TMEM178B: variants seen among roughly 807,000 people sequenced by gnomAD.
TMEM178B encodes the protein transmembrane protein 178B.
In TMEM178B, 5 loss-of-function variants were observed where a neutral mutation model predicts 31.0. That is an observed-to-expected ratio of 0.16 (90% CI 0.08 to 0.34). The LOEUF (loss-of-function observed/expected upper bound fraction) is 0.34. Ranked by LOEUF, TMEM178B falls within the 10% of genes least tolerant of loss-of-function variation. The pLI is 1.00. For synonymous variants in TMEM178B, 164 were observed against 164.0 expected, an observed-to-expected ratio of 1.00 and a Z score of 0.00; for missense variants, 275 against 400.3, an observed-to-expected ratio of 0.69 and a Z score of 2.67.
At position 141,197,497 on chromosome 7, in the gene TMEM178B, C is replaced by G. The variant is rs897600880; in HGVS notation, c.383-15094C>G. Among the ~76,000 whole-genome samples, 5 of 152,308 alleles carry G rather than the reference C, an allele frequency of 3.3e-5. No homozygotes were observed. The South Asian group carries it at 1.0e-3, about 32-fold the overall frequency. The stretch of plus-strand genomic sequence containing the variant: ...GATAAGTTAACCCTTTAATTAACAT[C>G]TGTAATCTAGCCAAGCCATTTAACT... On this transcript the variant is annotated intron_variant, in intron 1 of 3. Transcript: ENST00000565468.
chr7:141,413,736 T>G (rs1037041367), intron 2 of TMEM178B, among the ~76,000 whole-genome samples: 2 of 152,240 alleles, frequency 1.3e-5, no homozygotes, highest in Non-Finnish European at 2.9e-5. Context: ...ACTTCCTTTA[T>G]CCTTATATTC....
intron 1 of TMEM178B, among the ~76,000 whole-genome samples, chr7:141,199,593 T>C (rs1405280951): frequency 2.0e-5 from 3 of 152,166 alleles, no homozygotes; most frequent in Non-Finnish European, 4.4e-5. Flanking sequence ...TCTCTCTCTC[T>C]CTTTTCTTCT....
chr7:141,208,400 C>T (rs1418033506), intron 1 of TMEM178B, among the ~76,000 whole-genome samples: 1 of 152,162 alleles, frequency 6.6e-6, no homozygotes, highest in Admixed American at 6.5e-5. Flanking sequence ...GCAGGAAAAC[C>T]TGTTTGTATT....
At chr7:141,420,132 C>A (rs1338034151) in intron 2 of TMEM178B, among the ~76,000 whole-genome samples, 1 of 152,110 alleles carries the variant, frequency 6.6e-6, no homozygotes, top group African/African-American at 2.4e-5. Context: ...TCTCCTACAT[C>A]TACTTCATTA....
At position 141,401,556 on chromosome 7, in the gene TMEM178B, C is replaced by T. The variant is rs189487467; in HGVS notation, c.497-36052C>T. 2.8e-4 allele frequency among the ~76,000 whole-genome samples: 43 copies of T among 152,240 alleles called. No individual in the cohort carries two copies. In the East Asian group the frequency reaches 2.9e-3, roughly 10 times the overall value. ...TCAGCCTCCCAAGTAGCTGGGACTA[C>T]GGGTGCATGCCACCACACCCAGCTA... is the stretch of plus-strand genomic sequence containing the variant. On this transcript the variant is annotated intron_variant, in intron 2 of 3. Transcript: ENST00000565468.
intron 2 of TMEM178B, among the ~76,000 whole-genome samples, chr7:141,326,068 T>C (rs539192249): frequency 1.3e-5 from 2 of 152,338 alleles, no homozygotes; most frequent in East Asian, 3.9e-4. Context: ...ATTTTTATAA[T>C]ATTCAGACAT....
In TMEM178B at chr7:141,074,652, G is replaced by T. The variant is rs1244810258; in HGVS notation, c.342G>T (p.Arg114=). 5 of 1,523,318 alleles carry T rather than the reference G, an allele frequency of 3.3e-6. No individual in the cohort carries two copies. Among genetic ancestry groups the T allele is most frequent in the Non-Finnish European group, 4.4e-6 (5 of 1,137,228 alleles). 94.4% of individuals were successfully genotyped at this position (1,523,318 alleles called of 1,614,324 possible). A position where few individuals can be genotyped will look rare whatever the true frequency, so the allele number is the denominator to read the frequency against. Residue 114 remains arginine, a synonymous_variant, in exon 1 of 4, where the codon CGG becomes CGT. Coordinates refer to ENST00000565468, the MANE Select transcript of TMEM178B (RefSeq NM_001195278.2). The surrounding 1 kb of genome is among the most constrained non-coding windows in gnomAD (Gnocchi z 5.1). ...TGGGCCTCTGGAGGAAGTGCCACCG[G>T]CAGGGCTTCGACCCCGAGATCGCCG... ...TNMGLWRKCH[R]QGFDPEIAAL...
At chr7:141,203,372 A>AC (rs1469704145) in intron 1 of TMEM178B, among the ~76,000 whole-genome samples, 1 of 152,146 alleles carries the variant, frequency 6.6e-6, no homozygotes, top group East Asian at 1.9e-4. Flanking sequence ...CTAAAGGCTG[A>AC]CACTGTGGTG....
intron 2 of TMEM178B, among the ~76,000 whole-genome samples, chr7:141,410,018 G>C (rs1433353204): frequency 6.6e-6 from 1 of 152,174 alleles, no homozygotes; most frequent in Non-Finnish European, 1.5e-5. Flanking sequence ...GCAGCCGCCA[G>C]GCCATGGGCC....
At chr7:141,124,844 C>T (rs1418931730) in intron 1 of TMEM178B, among the ~76,000 whole-genome samples, 32 of 152,278 alleles carry the variant, frequency 2.1e-4, no homozygotes, top group South Asian at 1.5e-3. Context: ...AAAGATTACA[C>T]GGCGGTTTTC....
chr7:141,215,019 A>G (rs554025752), intron 2 of TMEM178B, among the ~76,000 whole-genome samples: 1 of 152,308 alleles, frequency 6.6e-6, no homozygotes, highest in South Asian at 2.1e-4. Flanking sequence ...GCCAGAGGGC[A>G]GGTGAGCATC....
chr7:141,459,048 A>T (rs139387580), intron 3 of TMEM178B, among the ~76,000 whole-genome samples: 1 of 152,256 alleles, frequency 6.6e-6, no homozygotes, highest in East Asian at 1.9e-4. Context: ...TTGTTTTTTG[A>T]GACAGAGTTT....
At chr7:141,266,918 C>T (rs1045057483) in intron 2 of TMEM178B, among the ~76,000 whole-genome samples, 1 of 152,148 alleles carries the variant, frequency 6.6e-6, no homozygotes, top group Non-Finnish European at 1.5e-5. Flanking sequence ...TGTGGCTGGC[C>T]CAGATTGTTT....
At position 141,171,017 on chromosome 7, in the gene TMEM178B, TAC is replaced by T. The variant is rs57427295; in HGVS notation, c.383-41527_383-41526del. On this transcript the variant is annotated intron_variant, in intron 1 of 3. Coordinates refer to ENST00000565468, the MANE Select transcript of TMEM178B (RefSeq NM_001195278.2). This position sits in a 1 kb window ranked among gnomAD's most constrained non-coding sequence, Gnocchi z 4.3. ...GTTCAGACTACACATCACACACACA[TAC>T]ACACACACACACACACACACACACA... Among the ~76,000 whole-genome samples the T allele has an allele frequency of 7.1e-4, 104 of 146,156 alleles. 1 individual carries two copies. The South Asian group carries it at 0.01, about 14-fold the overall frequency.
intron 1 of TMEM178B, among the ~76,000 whole-genome samples, chr7:141,158,783 TC>T: frequency 6.6e-6 from 1 of 152,148 alleles, no homozygotes; most frequent in Non-Finnish European, 1.5e-5. Flanking sequence ...CGGTCTGACT[TC>T]CTGCCAGCCT....
chr7:141,218,573 C>T (rs1453812597), intron 2 of TMEM178B, among the ~76,000 whole-genome samples: 1 of 152,142 alleles, frequency 6.6e-6, no homozygotes, highest in Non-Finnish European at 1.5e-5. Flanking sequence ...TGGTGGGAAG[C>T]CCAGCGTGTC....
intron 3 of TMEM178B, among the ~76,000 whole-genome samples, chr7:141,452,901 G>A (rs548110997): frequency 4.6e-5 from 7 of 152,308 alleles, no homozygotes; most frequent in African/African-American, 1.7e-4. Context: ...AAAGGCCAAT[G>A]TCCCCAGCCT....
intron 2 of TMEM178B, among the ~76,000 whole-genome samples, chr7:141,305,609 A>G (rs1258007026): frequency 6.6e-6 from 1 of 151,650 alleles, no homozygotes; most frequent in Non-Finnish European, 1.5e-5. Flanking sequence ...TGTATTTTGT[A>G]TTTTTAGTAC....
intron 3 of TMEM178B, among the ~76,000 whole-genome samples, chr7:141,455,194 T>C (rs966891376): frequency 2.6e-5 from 4 of 152,300 alleles, no homozygotes; most frequent in African/African-American, 9.6e-5. Flanking sequence ...AAAACTCGTG[T>C]CCCTTCAGAA....
Sources: allele counts gnomAD v4.1 joint callset (sites outside exome capture counted in the v4.1 genomes callset), GRCh38; gene constraint gnomAD v4.1.1; non-coding constraint Gnocchi (gnomAD v3.1); transcripts MANE v1.5; gene names NCBI Gene and HGNC (gene_info 2026-07-23, HGNC 2026-07-21).